LRP1B: variants seen among roughly 807,000 people sequenced by gnomAD.
The protein encoded by LRP1B is LDL receptor related protein 1B, also known as low-density lipoprotein receptor-related protein 1B.
LRP1B carries 217 observed loss-of-function variants against 556.6 expected under a neutral mutation model. That is an observed-to-expected ratio of 0.39 (90% CI 0.35 to 0.44). LRP1B has a LOEUF of 0.44. LRP1B is among the 20% of genes least tolerant of loss of function. The pLI, the probability that LRP1B is intolerant of heterozygous loss-of-function variation, is 1.00. For missense variants in LRP1B, 5,053 were observed against 5,620.8 expected (o/e 0.90, Z 3.23); for synonymous variants, 2,047 against 1,865.8 (o/e 1.10, Z -2.50).
chr2:141,511,587 A>G (rs1288885764), intron 2 of LRP1B, among the ~76,000 whole-genome samples: 1 of 152,182 alleles, frequency 6.6e-6, no homozygotes, highest in African/African-American at 2.4e-5. Context: ...TTGGTAAAAC[A>G]TTCGAAATTT....
chr2:141,104,084 A>C, intron 7 of LRP1B, among the ~76,000 whole-genome samples: 1 of 152,026 alleles, frequency 6.6e-6, no homozygotes, highest in East Asian at 1.9e-4. Context: ...GGAATGTTAA[A>C]AATAGCTGCT....
At chr2:141,281,621 A>T (rs1410295775) in intron 3 of LRP1B, among the ~76,000 whole-genome samples, 1 of 152,066 alleles carries the variant, frequency 6.6e-6, no homozygotes, top group Non-Finnish European at 1.5e-5. Flanking sequence ...GAGTCAGTAT[A>T]TTGTTAAACT....
At chr2:141,724,361 G>T (rs1574286656) in intron 2 of LRP1B, among the ~76,000 whole-genome samples, 1 of 151,950 alleles carries the variant, frequency 6.6e-6, no homozygotes, top group East Asian at 1.9e-4. Context: ...GTAGCTGCTG[G>T]TAAAAGAGGG....
chr2:141,701,964 T>C (rs1317071721), intron 2 of LRP1B, among the ~76,000 whole-genome samples: 1 of 151,888 alleles, frequency 6.6e-6, no homozygotes, highest in Non-Finnish European at 1.5e-5. Flanking sequence ...AAGTGAATAA[T>C]ATATAGACTG....
Position 141,945,931 on chromosome 2 carries a change from G to GATATATTT in LRP1B, c.83-135531_83-135530insAAATATAT, listed in dbSNP as rs777828009. ...GAATGCGGTGATAAGAAACCAGCAGGATTTATTTATTTATTTATTTATTTA... is the reference window on the plus strand; with the variant it reads ...GAATGCGGTGATAAGAAACCAGCAGGATATATTTATTTATTTATTTATTTATTTATTTA... On this transcript the variant is annotated intron_variant, in intron 1 of 90. Transcript: ENST00000389484. Among the ~76,000 whole-genome samples, 3 of 150,920 alleles carry GATATATTT rather than the reference G, an allele frequency of 2.0e-5. No individual in the cohort carries two copies. In the East Asian group the frequency reaches 5.8e-4, roughly 29 times the overall value.
intron 66 of LRP1B, among the ~76,000 whole-genome samples, chr2:140,408,052 A>G (rs958564175): frequency 1.3e-5 from 2 of 152,090 alleles, no homozygotes; most frequent in African/African-American, 4.8e-5. Context: ...GCTGGAGGCC[A>G]TTATTCTAAG....
intron 2 of LRP1B, among the ~76,000 whole-genome samples, chr2:141,600,182 T>G (rs1440068303): frequency 6.6e-6 from 1 of 152,056 alleles, no homozygotes; most frequent in Non-Finnish European, 1.5e-5. Flanking sequence ...TCCTCCTACC[T>G]CCATTTAAGT....
intron 2 of LRP1B, among the ~76,000 whole-genome samples, chr2:141,511,269 T>C (rs942482599): frequency 6.6e-6 from 1 of 152,158 alleles, no homozygotes; most frequent in Non-Finnish European, 1.5e-5. Context: ...ATACAATCTT[T>C]TGTCTTCAAT....
At chr2:140,422,822 C>T (rs983347191) in intron 66 of LRP1B, among the ~76,000 whole-genome samples, 2 of 152,148 alleles carry the variant, frequency 1.3e-5, no homozygotes, top group Non-Finnish European at 2.9e-5. Flanking sequence ...ACCATTTCTA[C>T]ACAAACATTC....
At chr2:140,769,761 T>C (rs903292480) in intron 34 of LRP1B, among the ~76,000 whole-genome samples, 23 of 152,092 alleles carry the variant, frequency 1.5e-4, no homozygotes, top group African/African-American at 5.1e-4. Flanking sequence ...CAAACATCTC[T>C]TTACTTATAT....
Position 141,503,211 on chromosome 2 carries a change from CTATA to C in LRP1B, c.206-22682_206-22679del, listed in dbSNP as rs368411668. ...TAAACATGAATTTACTTTATTATGACTATATATAAGATATACAATATACAATACA... is the reference window on the plus strand; with the variant it reads ...TAAACATGAATTTACTTTATTATGACTATAAGATATACAATATACAATACA... On this transcript the variant is annotated intron_variant, in intron 2 of 90. Transcript: ENST00000389484. Among the ~76,000 whole-genome samples the C allele has an allele frequency of 9.5e-4, 139 of 146,490 alleles. 2 individuals carry two copies. The highest frequency in any genetic ancestry group is 4.9e-3 in the South Asian group (23 of 4,690).
chr2:140,754,177 A>C, intron 35 of LRP1B, among the ~76,000 whole-genome samples: 1 of 152,200 alleles, frequency 6.6e-6, no homozygotes, highest in East Asian at 1.9e-4. Flanking sequence ...TCTACTATCA[A>C]AAACAATGGA....
intron 2 of LRP1B, among the ~76,000 whole-genome samples, chr2:141,699,908 C>T (rs1691875593): frequency 6.7e-6 from 1 of 149,218 alleles, no homozygotes; most frequent in African/African-American, 2.5e-5. Context: ...TCTTAGCCTC[C>T]AGGGCACATT....
chr2:141,950,507 A>G (rs1701077124), intron 1 of LRP1B, among the ~76,000 whole-genome samples: 1 of 152,172 alleles, frequency 6.6e-6, no homozygotes, highest in Non-Finnish European at 1.5e-5. Flanking sequence ...TACATCTTCA[A>G]TTGTTTGAAT....
intron 2 of LRP1B, among the ~76,000 whole-genome samples, chr2:141,726,754 G>T (rs1434165705): frequency 6.6e-6 from 1 of 152,028 alleles, no homozygotes; most frequent in African/African-American, 2.4e-5. Context: ...AGTATTATCA[G>T]ATTACAAGAA....
At chr2:141,909,820 C>T (rs1409417161) in intron 1 of LRP1B, among the ~76,000 whole-genome samples, 3 of 151,884 alleles carry the variant, frequency 2.0e-5, no homozygotes, top group Non-Finnish European at 4.4e-5. Context: ...ATAGCAATGT[C>T]ATATACATAG....
chr2:141,647,682 A>C (rs146981380), intron 2 of LRP1B, among the ~76,000 whole-genome samples: 5 of 147,844 alleles, frequency 3.4e-5, no homozygotes, highest in African/African-American at 1.2e-4. Context: ...TGAGAAGTTT[A>C]GAACAGGGAA....
intron 1 of LRP1B, among the ~76,000 whole-genome samples, chr2:141,814,052 T>C (rs945056130): frequency 6.6e-6 from 1 of 152,080 alleles, no homozygotes; most frequent in Non-Finnish European, 1.5e-5. Context: ...CCGCAACCAA[T>C]TGAGAGCTTT....
At chr2:140,371,562 C>A (rs1401984559) in intron 69 of LRP1B, among the ~76,000 whole-genome samples, 3 of 150,290 alleles carry the variant, frequency 2.0e-5, no homozygotes, top group South Asian at 2.1e-4. Flanking sequence ...GAAAAAAAAA[C>A]AAACAAACCT....
Sources: gnomAD v4.1 joint callset for allele counts (sites outside exome capture counted in the v4.1 genomes callset) on GRCh38, gnomAD v4.1.1 for gene constraint, MANE v1.5 for transcripts, NCBI Gene and HGNC (gene_info 2026-07-23, HGNC 2026-07-21) for gene names.